Variants in POMGNT2 observed in about 807,000 individuals in gnomAD.
The protein encoded by POMGNT2 is protein O-linked mannose N-acetylglucosaminyltransferase 2 (beta 1,4-).
A neutral mutation model predicts 37.8 loss-of-function variants in POMGNT2; 32 were observed. The observed-to-expected ratio is 0.85, with a 90% CI of 0.64 to 1.14. The LOEUF is 1.14. POMGNT2 is among the 50% of genes most tolerant of loss of function. The probability of loss-of-function intolerance (pLI) is 0.00; values close to 1 mark genes in which losing one functional copy is unlikely to be tolerated. For synonymous variants in POMGNT2, 340 were observed against 336.8 expected, an observed-to-expected ratio of 1.01 and a Z score of -0.10; for missense variants, 705 against 780.6, an observed-to-expected ratio of 0.90 and a Z score of 1.15.
chr3:43,092,192 TG>T lies in POMGNT2; in HGVS notation c.-105-10657del, dbSNP rs201488206. Among the ~76,000 whole-genome samples the T allele has an allele frequency of 9.7e-3, 1,478 of 152,330 alleles. 24 individuals are homozygous for T. Among genetic ancestry groups the T allele is most frequent in the African/African-American group, 0.034 (1,397 of 41,586 alleles). ...TATTAGTAGGGGAAGTGGGGAGAAA[TG>T]GTTTATGTAACTTTTTTGTAAGTCT... On this transcript the variant is annotated intron_variant, in intron 1 of 1. Coordinates refer to ENST00000344697, the MANE Select transcript of POMGNT2 (RefSeq NM_032806.6).
chr3:43,091,442 G>A (rs2089942228), intron 1 of POMGNT2, among the ~76,000 whole-genome samples: 1 of 152,146 alleles, frequency 6.6e-6, no homozygotes, highest in Non-Finnish European at 1.5e-5. Context: ...ATAATTAGGA[G>A]AGAAAGGACA....
chr3:43,083,876 TTC>T (rs2089875159), intron 1 of POMGNT2, among the ~76,000 whole-genome samples: 1 of 152,230 alleles, frequency 6.6e-6, no homozygotes, highest in Non-Finnish European at 1.5e-5. Context: ...TTTGAAGAAC[TTC>T]TGTTAGTTCA....
rs897256927 is a variant in POMGNT2 at position 43,080,125 on chromosome 3, C to T, written c.1307G>A (p.Cys436Tyr). 1 of 1,613,944 alleles carries T rather than the reference C, an allele frequency of 6.2e-7. No individual in the cohort carries two copies. The highest frequency in any genetic ancestry group is 8.5e-7 in the Non-Finnish European group (1 of 1,179,964). Reference sequence around the variant, plus strand: ...GAAGAGCCACTCGGGGTTCCGGCAACAGAGATGCCGTGGGACCTCACGGCT... The same window carrying T: ...GAAGAGCCACTCGGGGTTCCGGCAATAGAGATGCCGTGGGACCTCACGGCT... ...LQSREVPRHL[C>Y]CRNPEWLFRI... The change falls in exon 2 of 2, where the codon TGT becomes TAT. Residue 436 changes from cysteine (C) to tyrosine (Y), a missense_variant. Transcript: ENST00000344697.
At chr3:43,083,007 G>T (rs1291416036) in intron 1 of POMGNT2, among the ~76,000 whole-genome samples, 1 of 152,060 alleles carries the variant, frequency 6.6e-6, no homozygotes, top group Non-Finnish European at 1.5e-5. Context: ...ATGGAAGCTG[G>T]GATACATGTC....
At chr3:43,096,332 C>T (rs1481809654) in intron 1 of POMGNT2, among the ~76,000 whole-genome samples, 1 of 152,200 alleles carries the variant, frequency 6.6e-6, no homozygotes, top group Non-Finnish European at 1.5e-5. Flanking sequence ...TTGAAAAACA[C>T]ACTCAAAATC....
intron 1 of POMGNT2, among the ~76,000 whole-genome samples, chr3:43,101,213 C>A (rs917336195): frequency 4.6e-5 from 7 of 152,198 alleles, no homozygotes; most frequent in African/African-American, 1.7e-4. Context: ...TTCTGTCCTG[C>A]CCAGCACAGC....
chr3:43,091,657 A>G (rs546822902), intron 1 of POMGNT2, among the ~76,000 whole-genome samples: 1 of 152,228 alleles, frequency 6.6e-6, no homozygotes, highest in Non-Finnish European at 1.5e-5. Context: ...CAAAGGTAAA[A>G]ATAGAAACTA....
At position 43,080,451 on chromosome 3, in the gene POMGNT2, G is replaced by A. The variant is rs759135434; in HGVS notation, c.981C>T (p.Thr327=). The A allele has an allele frequency of 1.9e-5, 31 of 1,614,086 alleles. No homozygotes were observed. Among genetic ancestry groups the A allele is most frequent in the Non-Finnish European group, 2.5e-5 (30 of 1,180,052 alleles). Residue 327 remains threonine (T), a synonymous_variant, in exon 2 of 2, where the codon ACC becomes ACT. Coordinates refer to ENST00000344697, the MANE Select transcript of POMGNT2 (RefSeq NM_032806.6). ...KTVTVSLEDH[T]FADVVRLVSN... The stretch of plus-strand genomic sequence containing the variant: ...TGACCAGCCGCACGACATCAGCAAA[G>A]GTGTGGTCCTCCAGGGACACTGTCA...
rs565368649 is a variant in POMGNT2 at position 43,090,751 on chromosome 3, T to C, written c.-105-9215A>G. On this transcript the variant is annotated intron_variant, in intron 1 of 1. Transcript: ENST00000344697. ...AAGGAGAGACTGTCTTACCAGGGGG[T>C]GGAAGGGAGACCACCCTGAGATCCT... The C allele has an allele frequency of 2.0e-5, 3 of 150,502 alleles. No homozygotes were observed. In the South Asian group the frequency reaches 6.4e-4, roughly 32 times the overall value. The allele number at this position is 150,502 out of a possible 1,614,324, so 9.3% of individuals were successfully genotyped here.
intron 1 of POMGNT2, among the ~76,000 whole-genome samples, chr3:43,091,502 A>C (rs1210898218): frequency 6.6e-6 from 1 of 152,234 alleles, no homozygotes; most frequent in Non-Finnish European, 1.5e-5. Context: ...AATCATGGAA[A>C]TAGATCACCA....
intron 1 of POMGNT2, among the ~76,000 whole-genome samples, chr3:43,105,159 C>A (rs1373320962): frequency 6.6e-6 from 1 of 152,218 alleles, no homozygotes; most frequent in Non-Finnish European, 1.5e-5. Flanking sequence ...AAGACTCTGG[C>A]CTGACGGTCA....
intron 1 of POMGNT2, among the ~76,000 whole-genome samples, chr3:43,085,008 C>T (rs905153709): frequency 2.7e-5 from 4 of 150,634 alleles, no homozygotes; most frequent in Non-Finnish European, 4.4e-5. Context: ...AGAGCATTGA[C>T]TCTTTACTGT....
In POMGNT2 at chr3:43,080,866, G is replaced by A. The variant is rs770636157; in HGVS notation, c.566C>T (p.Ala189Val). ...LRQFPGLAHE[A>V]RLFFMEGWGE... The stretch of plus-strand genomic sequence containing the variant: ...CCAGCCCTCCATGAAGAAGAGCCGT[G>A]CCTCGTGGGCCAGGCCGGGAAACTG... Residue 189 changes from alanine to valine, a missense_variant, in exon 2 of 2, where the codon GCA (alanine) becomes GTA (valine). Physicochemically the swap from Ala to Val is moderately conservative, Grantham distance 64 (BLOSUM62 0). Transcript: ENST00000344697. 6.2e-7 allele frequency: 1 copy of A among 1,614,012 alleles called. No individual in the cohort carries two copies. The highest frequency in any genetic ancestry group is 8.5e-7 in the Non-Finnish European group (1 of 1,180,008).
rs755067791 is a variant in POMGNT2 at position 43,081,356 on chromosome 3, G to A, written c.76C>T (p.Arg26Cys). The change falls in exon 2 of 2, where the codon CGT becomes TGT. Residue 26 changes from arginine to cysteine, a missense_variant. By Grantham distance (180) the Arg-to-Cys change is radical. Coordinates refer to ENST00000344697, the MANE Select transcript of POMGNT2 (RefSeq NM_032806.6). ...TCCTCCAGTGTGGCTGCATGCTCAC[G>A]CAGCCGCACATGCTTCCACAGGACC... Reference protein sequence around the residue: ...AAVLWKHVRLREHAATLEEEL... With the variant: ...AAVLWKHVRLCEHAATLEEEL... 4.8e-5 allele frequency: 78 copies of A among 1,608,866 alleles called. No homozygotes were observed. The highest frequency in any genetic ancestry group is 6.7e-5 in the African/African-American group (5 of 74,916).
At position 43,081,355 on chromosome 3, in the gene POMGNT2, C is replaced by T. The variant is rs143667339; in HGVS notation, c.77G>A (p.Arg26His). Residue 26 changes from arginine to histidine, a missense_variant, in exon 2 of 2, where the codon CGT becomes CAT. Transcript: ENST00000344697. ...CTCCTCCAGTGTGGCTGCATGCTCA[C>T]GCAGCCGCACATGCTTCCACAGGAC... ...AAVLWKHVRL[R>H]EHAATLEEEL... The T allele has an allele frequency of 2.5e-4, 395 of 1,608,882 alleles. No individual in the cohort carries two copies. Among genetic ancestry groups the T allele is most frequent in the Middle Eastern group, 8.3e-4 (5 of 5,990 alleles).
At position 43,079,835 on chromosome 3, in the gene POMGNT2, T is replaced by A. The variant is rs2089829972; in HGVS notation, c.1597A>T (p.Thr533Ser). The change falls in exon 2 of 2, where the codon ACC (threonine) becomes TCC (serine). Residue 533 changes from threonine (T) to serine (S), a missense_variant. Physicochemically the swap from Thr to Ser is moderately conservative, Grantham distance 58. Coordinates refer to ENST00000344697, the MANE Select transcript of POMGNT2 (RefSeq NM_032806.6). ...EVWLQEQGEN[T>S]YVPYILALQN... ...AGAGCCAGGATGTAAGGCACGTAGGTGTTCTCCCCCTGCTCCTGCAGCCAC... is the reference window on the plus strand; with the variant it reads ...AGAGCCAGGATGTAAGGCACGTAGGAGTTCTCCCCCTGCTCCTGCAGCCAC... 1 of 1,614,062 alleles carries A rather than the reference T, an allele frequency of 6.2e-7. No individual in the cohort carries two copies. The highest frequency in any genetic ancestry group is 1.3e-5 in the African/African-American group (1 of 74,936).
intron 1 of POMGNT2, among the ~76,000 whole-genome samples, chr3:43,096,620 C>T (rs1445132837): frequency 6.6e-6 from 1 of 152,170 alleles, no homozygotes; most frequent in African/African-American, 2.4e-5. Flanking sequence ...CAGGGCCACA[C>T]AGACCAGGGT....
In POMGNT2 at chr3:43,081,519, C is replaced by G. The variant is rs2089856554; in HGVS notation, c.-88G>C. ...GGCTTCACCCATCCCTATGGGCATCCTGAGAACTGGTGAAAGCCTGCAGGA... is the reference window on the plus strand; with the variant it reads ...GGCTTCACCCATCCCTATGGGCATCGTGAGAACTGGTGAAAGCCTGCAGGA... On this transcript the variant is annotated 5_prime_UTR_variant, in exon 2 of 2. Transcript: ENST00000344697. The G allele has an allele frequency of 5.3e-6, 6 of 1,130,446 alleles. No individual in the cohort carries two copies. Among genetic ancestry groups the G allele is most frequent in the East Asian group, 5.2e-5 (2 of 38,516 alleles). 70.0% of individuals were successfully genotyped at this position (1,130,446 alleles called of 1,614,324 possible).
intron 1 of POMGNT2, among the ~76,000 whole-genome samples, chr3:43,094,388 C>T (rs1276308761): frequency 6.6e-6 from 1 of 152,242 alleles, no homozygotes; most frequent in Non-Finnish European, 1.5e-5. Flanking sequence ...TACTGGGCAA[C>T]AGACCCAGTG....
Sources: gnomAD v4.1 joint callset for allele counts (sites outside exome capture counted in the v4.1 genomes callset) on GRCh38, gnomAD v4.1.1 for gene constraint, MANE v1.5 for transcripts, NCBI Gene and HGNC (gene_info 2026-07-23, HGNC 2026-07-21) for gene names.